The following ANXA4 variants were observed in gnomAD, a reference collection of about 807,000 sequenced individuals.
The protein encoded by ANXA4 is annexin A4.
ANXA4 carries 39 observed loss-of-function variants against 49.8 expected under a neutral mutation model. The observed-to-expected ratio is 0.78, with a 90% CI of 0.61 to 1.02. ANXA4 has a LOEUF of 1.02. Among genes scored for constraint, ANXA4 ranks in the 50% least tolerant of loss-of-function variants. The pLI, the probability that ANXA4 is intolerant of heterozygous loss-of-function variation, is 0.00. For missense variants in ANXA4, 360 were observed against 410.1 expected, an observed-to-expected ratio of 0.88 and a Z score of 1.05; for synonymous variants, 134 against 152.5, an observed-to-expected ratio of 0.88 and a Z score of 0.89.
intron 12 of ANXA4, among the ~76,000 whole-genome samples, chr2:69,823,524 G>C (rs1674335529): frequency 6.6e-6 from 1 of 151,882 alleles, no homozygotes; most frequent in Non-Finnish European, 1.5e-5. Context: ...AAAAACACCA[G>C]GGAAAGAAAG....
intron 3 of ANXA4, among the ~76,000 whole-genome samples, chr2:69,796,191 C>T (rs1672937384): frequency 6.6e-6 from 1 of 152,216 alleles, no homozygotes; most frequent in Non-Finnish European, 1.5e-5. Context: ...TGGACAGGGT[C>T]AAGGTGGCTT....
chr2:69,677,611 A>G (rs1677454512), intron 2 of ANXA4, among the ~76,000 whole-genome samples: 1 of 152,086 alleles, frequency 6.6e-6, no homozygotes. Context: ...TCTCTTTATT[A>G]TTGGATATTG....
intron 8 of ANXA4, chr2:69,815,033 G>T (rs1418809859): frequency 1.3e-5 from 2 of 152,270 alleles, no homozygotes; most frequent in Non-Finnish European, 2.9e-5. Flanking sequence ...CAGGCAGGAG[G>T]AGTCCCTCTC....
At chr2:69,650,693 A>C (rs1372777792) in intron 1 of ANXA4, among the ~76,000 whole-genome samples, 1 of 152,150 alleles carries the variant, frequency 6.6e-6, no homozygotes, top group African/African-American at 2.4e-5. Flanking sequence ...GCCTCAAGCA[A>C]TCCTCCTCCC....
At chr2:69,818,369 A>G in intron 9 of ANXA4, 1 of 295,080 alleles carries the variant, frequency 3.4e-6, no homozygotes, top group Non-Finnish European at 6.3e-6. Context: ...GATAAGGGAA[A>G]GGACTTGACT....
intron 1 of ANXA4, among the ~76,000 whole-genome samples, chr2:69,758,648 G>A (rs1310327499): frequency 2.0e-5 from 3 of 152,054 alleles, no homozygotes; most frequent in Admixed American, 2.0e-4. Context: ...GATAAGGCAA[G>A]TTAATAATAA....
At chr2:69,770,093 C>T (rs546960285) in intron 1 of ANXA4, among the ~76,000 whole-genome samples, 1 of 152,278 alleles carries the variant, frequency 6.6e-6, no homozygotes, top group African/African-American at 2.4e-5. Context: ...AGGCTGGAAT[C>T]GATTCTTATT....
chr2:69,754,249 C>T (rs952890163), intron 1 of ANXA4, among the ~76,000 whole-genome samples: 5 of 152,182 alleles, frequency 3.3e-5, no homozygotes, highest in Admixed American at 6.5e-5. Context: ...CCCATTTCCT[C>T]ATACTTGATG....
intron 1 of ANXA4, among the ~76,000 whole-genome samples, chr2:69,778,503 C>T (rs1374868341): frequency 1.3e-5 from 2 of 152,100 alleles, no homozygotes; most frequent in African/African-American, 2.4e-5. Flanking sequence ...GGGCTGGGCG[C>T]GGTGGTTCAC....
At chr2:69,659,641 C>A (rs1030431403) in intron 2 of ANXA4, among the ~76,000 whole-genome samples, 1 of 152,126 alleles carries the variant, frequency 6.6e-6, no homozygotes, top group Non-Finnish European at 1.5e-5. Context: ...AGCAATAGAG[C>A]AGGGCATGGT....
chr2:69,653,033 G>C (rs1676309974), exon 2 of ANXA4: 1 of 152,200 alleles, frequency 6.6e-6, no homozygotes, highest in Non-Finnish European at 1.5e-5. Flanking sequence ...CTGTGTCACA[G>C]AACACATTTT....
At chr2:69,809,927 G>A (rs1673626307) in intron 6 of ANXA4, 2 of 152,322 alleles carry the variant, frequency 1.3e-5, no homozygotes, top group Admixed American at 1.3e-4. Flanking sequence ...CTTTCCATCA[G>A]TGAAGCAGCA....
chr2:69,748,980 T>A (rs1670734743), intron 1 of ANXA4, among the ~76,000 whole-genome samples: 1 of 152,198 alleles, frequency 6.6e-6, no homozygotes, highest in African/African-American at 2.4e-5. Context: ...CCCCAAGTAC[T>A]GGGATTACAT....
intron 3 of ANXA4, among the ~76,000 whole-genome samples, chr2:69,734,356 T>C (rs1670186914): frequency 6.6e-6 from 1 of 152,204 alleles, no homozygotes; most frequent in South Asian, 2.1e-4. Flanking sequence ...CATTCCTGCA[T>C]GTAGACTAAG....
At chr2:69,709,750 A>G (rs1385473419) in intron 2 of ANXA4, among the ~76,000 whole-genome samples, 1 of 152,166 alleles carries the variant, frequency 6.6e-6, no homozygotes, top group African/African-American at 2.4e-5. Context: ...TATGCAATTA[A>G]CCAACTCACT....
intron 3 of ANXA4, among the ~76,000 whole-genome samples, chr2:69,793,885 G>A (rs1672806255): frequency 6.6e-6 from 1 of 151,292 alleles, no homozygotes; most frequent in Non-Finnish European, 1.5e-5. Flanking sequence ...CCAGATTTAT[G>A]AAGATTTATT....
At chr2:69,787,974 C>T (rs1672485470) in intron 2 of ANXA4, 80 bp from the exon 3 acceptor site, 2 of 1,248,454 alleles carry the variant, frequency 1.6e-6, no homozygotes, top group Admixed American at 1.7e-5. Flanking sequence ...GGTCAGTGCT[C>T]AACAAATGTT....
chr2:69,817,026 T>C (rs1674022725), intron 9 of ANXA4: 1 of 152,242 alleles, frequency 6.6e-6, no homozygotes, highest in Non-Finnish European at 1.5e-5. Context: ...AGGTGATTAC[T>C]CCTGTTAATC....
rs556234133 is a variant in ANXA4, at chr2:69,753,377, G to T, written c.-47+11202G>T. On this transcript the variant is annotated intron_variant, in intron 1 of 12. Transcript: ENST00000394295. Reference sequence around the variant, plus strand: ...AACTTGATTAAATGAAGTCTCTGGGGCCCACCCAAGATTTCCAGAGTCAAG... The same window carrying T: ...AACTTGATTAAATGAAGTCTCTGGGTCCCACCCAAGATTTCCAGAGTCAAG... Among the ~76,000 whole-genome samples, 22 of 152,242 alleles carry T rather than the reference G, an allele frequency of 1.4e-4. No individual in the cohort carries two copies. The East Asian group carries it at 4.1e-3, about 28-fold the overall frequency.
Sources: allele counts gnomAD v4.1 joint callset (sites outside exome capture counted in the v4.1 genomes callset), GRCh38; gene constraint gnomAD v4.1.1; transcripts MANE v1.5; gene names NCBI Gene and HGNC (gene_info 2026-07-23, HGNC 2026-07-21).